The following NR1D2 variants were observed in gnomAD, a reference collection of about 807,000 sequenced individuals.
The protein encoded by NR1D2 is nuclear receptor subfamily 1 group D member 2.
NR1D2 carries 25 observed loss-of-function variants against 52.2 expected under a neutral mutation model. That is an observed-to-expected ratio of 0.48 (90% confidence interval 0.35 to 0.67). The LOEUF (loss-of-function observed/expected upper bound fraction) is 0.67. Among genes scored for constraint, NR1D2 ranks in the 30% least tolerant of loss-of-function variants. The probability of loss-of-function intolerance (pLI) is 0.01; values close to 1 mark genes in which losing one functional copy is unlikely to be tolerated. For missense variants in NR1D2, 681 were observed against 707.2 expected (o/e 0.96, Z 0.42); for synonymous variants, 259 against 230.1 (o/e 1.13, Z -1.14).
intron 5 of NR1D2, chr3:23,963,433 T>C (rs747779400): frequency 2.4e-5 from 28 of 1,189,972 alleles, no homozygotes; most frequent in African/African-American, 4.9e-5. Context: ...GTGGACCTTA[T>C]GTTAGGCTAA....
chr3:23,946,179 G>GC (rs1484734310), intron 1 of NR1D2: 10 of 985,238 alleles, frequency 1.0e-5, no homozygotes, highest in East Asian at 2.3e-4. Flanking sequence ...CGCCCGCTGA[G>GC]CCCCCGCGGC....
chr3:23,959,776 C>G lies in NR1D2; in HGVS notation c.478C>G (p.Arg160Gly). ...RMNRNRCQQC[R>G]FKKCLSVGMS... Reference sequence around the variant, plus strand: ...GAATAGGAACAGATGTCAGCAATGTCGCTTCAAAAAGTGTCTGTCTGTTGG... The same window carrying G: ...GAATAGGAACAGATGTCAGCAATGTGGCTTCAAAAAGTGTCTGTCTGTTGG... The change falls in exon 4 of 8, where the codon CGC becomes GGC. Residue 160 changes from arginine (R) to glycine (G), a missense_variant. Physicochemically the swap from Arg to Gly is moderately radical, Grantham distance 125 (BLOSUM62 -2). Transcript: ENST00000312521. 6.2e-7 allele frequency: 1 copy of G among 1,613,414 alleles called. No individual in the cohort carries two copies. The highest frequency in any genetic ancestry group is 8.5e-7 in the Non-Finnish European group (1 of 1,179,752).
At chr3:23,973,585 G>A (rs910702533) in intron 7 of NR1D2, among the ~76,000 whole-genome samples, 1 of 152,222 alleles carries the variant, frequency 6.6e-6, no homozygotes, top group African/African-American at 2.4e-5. Context: ...GTGAGGGCAT[G>A]TGAAGGCCTA....
At position 23,962,702 on chromosome 3, in the gene NR1D2, A is replaced by G. The variant is rs1183253644; in HGVS notation, c.1146+97A>G. 9 of 1,151,204 alleles carry G rather than the reference A, an allele frequency of 7.8e-6. No homozygotes were observed. The East Asian group carries it at 2.1e-4, about 27-fold the overall frequency. The allele number at this position is 1,151,204 out of a possible 1,614,324, so 71.3% of individuals were successfully genotyped here. A position where few individuals can be genotyped will look rare whatever the true frequency, so the allele number is the denominator to read the frequency against. ...TATGCTAACTTGGGGGGATGGTGTCAGGAAACCTAAGAAATTTACAGACTT... is the reference window on the plus strand; with the variant it reads ...TATGCTAACTTGGGGGGATGGTGTCGGGAAACCTAAGAAATTTACAGACTT... On this transcript the variant is annotated intron_variant, in intron 5 of 7. Coordinates refer to ENST00000312521, the MANE Select transcript of NR1D2 (RefSeq NM_005126.5).
rs1016486424 is a variant in NR1D2 at position 23,945,563 on chromosome 3, C to G, written c.-16C>G. On this transcript the variant is annotated 5_prime_UTR_variant, in exon 1 of 8. Coordinates refer to ENST00000312521, the MANE Select transcript of NR1D2 (RefSeq NM_005126.5). ...TGCGGGAAGCGGGCGGCCCCGGCCGCCTCCGCGAGGGCACCATGGAGGTGA... is the reference window on the plus strand; with the variant it reads ...TGCGGGAAGCGGGCGGCCCCGGCCGGCTCCGCGAGGGCACCATGGAGGTGA... 4 of 1,164,798 alleles carry G rather than the reference C, an allele frequency of 3.4e-6. No individual in the cohort carries two copies. Among genetic ancestry groups the G allele is most frequent in the Non-Finnish European group, 4.3e-6 (4 of 938,134 alleles). The allele number at this position is 1,164,798 out of a possible 1,614,324, so 72.2% of individuals were successfully genotyped here.
chr3:23,946,290 A>G (rs1338022550), intron 1 of NR1D2: 1 of 985,382 alleles, frequency 1.0e-6, no homozygotes, highest in East Asian at 1.1e-4. Flanking sequence ...AAACCAAACG[A>G]ACCGGCGCCT....
chr3:23,963,086 A>G (rs1706328444), intron 5 of NR1D2: 2 of 274,552 alleles, frequency 7.3e-6, no homozygotes, highest in South Asian at 3.5e-5. Context: ...TTATTGTTTG[A>G]TAAATTTAGG....
In NR1D2 at chr3:23,976,776, C is replaced by T. The variant is rs79183207; in HGVS notation, c.1544-447C>T. Among the ~76,000 whole-genome samples, 1,111 of 152,194 alleles carry T rather than the reference C, an allele frequency of 7.3e-3. 6 individuals carry two copies. Among genetic ancestry groups the T allele is most frequent in the Non-Finnish European group, 0.011 (775 of 68,014 alleles). ...AGTAGGAGGAGGTTGCGCAAGGGTG[C>T]GAATACCAGGATGAAGGGATCATTG... On this transcript the variant is annotated intron_variant, in intron 7 of 7. Transcript: ENST00000312521.
chr3:23,976,228 C>T (rs1706719473), intron 7 of NR1D2, among the ~76,000 whole-genome samples: 2 of 152,226 alleles, frequency 1.3e-5, no homozygotes, highest in Admixed American at 1.3e-4. Context: ...TGTAGGGTTA[C>T]ATAGCAATAA....
rs759217409 is a variant in NR1D2, at chr3:23,977,355, C to G, written c.1676C>G (p.Pro559Arg). The G allele has an allele frequency of 3.1e-6, 5 of 1,613,704 alleles. No homozygotes were observed. Among genetic ancestry groups the G allele is most frequent in the Non-Finnish European group, 4.2e-6 (5 of 1,179,820 alleles). The change falls in exon 8 of 8, where the codon CCA (proline) becomes CGA (arginine). Residue 559 changes from proline (P) to arginine (R), a missense_variant. Physicochemically the swap from Pro to Arg is moderately radical, Grantham distance 103. Around this residue, in one of 3 missense-constraint regions of NR1D2, gnomAD observed 475 missense variants for 454.5 expected, o/e 1.05. Transcript: ENST00000312521. Reference protein sequence around the residue: ...SIFTKLLLKLPDLRSLNNMHS... With the variant: ...SIFTKLLLKLRDLRSLNNMHS... ...TTTACAAAACTGCTTCTAAAGTTGC[C>G]AGATCTTCGATCTTTAAACAACATG... is the stretch of plus-strand genomic sequence containing the variant.
intron 1 of NR1D2, chr3:23,946,024 G>GGCGGGGGC (rs1315826558): frequency 8.5e-6 from 7 of 820,822 alleles, no homozygotes; most frequent in Non-Finnish European, 1.0e-5. Context: ...GACACGTGGG[G>GGCGGGGGC]GCGGGGGCGC....
At chr3:23,953,066 C>T (rs1442399487) in intron 1 of NR1D2, among the ~76,000 whole-genome samples, 6 of 151,004 alleles carry the variant, frequency 4.0e-5, no homozygotes, top group Admixed American at 6.6e-5. Context: ...AGGCCCGGTG[C>T]GGTGGCTCAC....
chr3:23,956,089 A>T lies in NR1D2; in HGVS notation c.336A>T (p.Gly112=). 6.2e-7 allele frequency: 1 copy of T among 1,614,052 alleles called. No individual in the cohort carries two copies. The highest frequency in any genetic ancestry group is 8.5e-7 in the Non-Finnish European group (1 of 1,179,946). Residue 112 remains glycine, a synonymous_variant, in exon 3 of 8, where the codon GGA becomes GGT. Coordinates refer to ENST00000312521, the MANE Select transcript of NR1D2 (RefSeq NM_005126.5). The part of the protein sequence containing the change: ...LCKVCGDVAS[G]FHYGVHACEG... ...AAGTCTGTGGGGATGTGGCGTCAGG[A>T]TTCCACTATGGAGTTCATGCTTGCG...
chr3:23,951,653 C>T (rs569110232), intron 1 of NR1D2, among the ~76,000 whole-genome samples: 4 of 152,162 alleles, frequency 2.6e-5, no homozygotes, highest in South Asian at 2.1e-4. Context: ...GCGGTTGTAT[C>T]GATGAAATCA....
At position 23,979,132 on chromosome 3, in the gene NR1D2, C is replaced by A. The variant is rs914065066; in HGVS notation, c.*1713C>A. 6.6e-6 allele frequency: 1 copy of A among 151,944 alleles called. No individual in the cohort carries two copies. The highest frequency in any genetic ancestry group is 1.5e-5 in the Non-Finnish European group (1 of 67,930). The allele number at this position is 151,944 out of a possible 1,614,324, so 9.4% of individuals were successfully genotyped here. On this transcript the variant is annotated 3_prime_UTR_variant, in exon 8 of 8. Coordinates refer to ENST00000312521, the MANE Select transcript of NR1D2 (RefSeq NM_005126.5). ...TGTAATCTTGTTTAACTTGTTGCTA[C>A]TGGGACTTGATTTACTGTGGCACTA...
At chr3:23,950,902 C>CTTTTTCTTTTTTTT (rs1351954635) in intron 1 of NR1D2, among the ~76,000 whole-genome samples, 1 of 123,110 alleles carries the variant, frequency 8.1e-6, no homozygotes, top group African/African-American at 3.3e-5. Context: ...CTTTCTTTTT[C>CTTTTTCTTTTTTTT]TTTTTTTTTT....
At chr3:23,951,272 G>A (rs550102830) in intron 1 of NR1D2, among the ~76,000 whole-genome samples, 2 of 152,180 alleles carry the variant, frequency 1.3e-5, no homozygotes, top group Non-Finnish European at 2.9e-5. Context: ...ATAAATGACT[G>A]AAAATGGGGG....
intron 1 of NR1D2, 103 bp downstream of exon 1, chr3:23,945,697 G>A: frequency 1.3e-6 from 1 of 750,160 alleles, no homozygotes; most frequent in Non-Finnish European, 1.7e-6. Context: ...ATGGCCGGTG[G>A]GGCGGGGTGG....
chr3:23,974,428 T>C (rs1183518734), intron 7 of NR1D2, among the ~76,000 whole-genome samples: 4 of 152,146 alleles, frequency 2.6e-5, no homozygotes, highest in Non-Finnish European at 5.9e-5. Flanking sequence ...ATTATAATAT[T>C]ATGGGACCAC....
Sources: gnomAD v4.1 joint callset for allele counts (sites outside exome capture counted in the v4.1 genomes callset) on GRCh38, gnomAD v4.1.1 for gene constraint, gnomAD v4.1.1 regional missense constraint, MANE v1.5 for transcripts, NCBI Gene and HGNC (gene_info 2026-07-23, HGNC 2026-07-21) for gene names.